Variants in MNAT1 observed in about 807,000 individuals in gnomAD.
MNAT1 encodes the protein CDK-activating kinase assembly factor MAT1.
Under a neutral mutation model 42.0 loss-of-function variants are expected in MNAT1, and 43 were observed. That is an observed-to-expected ratio of 1.02 (90% CI 0.80 to 1.32). MNAT1 has a LOEUF of 1.32. MNAT1 is among the 40% of genes most tolerant of loss of function. The probability of loss-of-function intolerance (pLI) is 0.00; values close to 1 mark genes in which losing one functional copy is unlikely to be tolerated. For missense variants in MNAT1, 306 were observed against 350.4 expected, an observed-to-expected ratio of 0.87 and a Z score of 1.01; for synonymous variants, 118 against 120.0, an observed-to-expected ratio of 0.98 and a Z score of 0.11.
chr14:60,885,979 A>G (rs932071571), intron 7 of MNAT1, among the ~76,000 whole-genome samples: 1 of 151,948 alleles, frequency 6.6e-6, no homozygotes, highest in Non-Finnish European at 1.5e-5. Context: ...ATTCACTTGT[A>G]TGTGTATAGT....
chr14:60,915,386 G>GA (rs1161162193), intron 7 of MNAT1, among the ~76,000 whole-genome samples: 5 of 152,120 alleles, frequency 3.3e-5, no homozygotes, highest in African/African-American at 9.7e-5. Context: ...TGGTGAATAT[G>GA]AAAATCTTAT....
chr14:60,817,293 A>G (rs918100679), intron 5 of MNAT1, among the ~76,000 whole-genome samples: 1 of 151,868 alleles, frequency 6.6e-6, no homozygotes, highest in African/African-American at 2.4e-5. Flanking sequence ...CAATACAGTT[A>G]CTCATGCATT....
intron 6 of MNAT1, among the ~76,000 whole-genome samples, chr14:60,868,572 A>G (rs1190941220): frequency 6.6e-6 from 1 of 152,152 alleles, no homozygotes; most frequent in African/African-American, 2.4e-5. Flanking sequence ...AGTGGAATGC[A>G]CAGTCTCACT....
chr14:60,925,795 T>C (rs2035753251), intron 7 of MNAT1, among the ~76,000 whole-genome samples: 1 of 152,196 alleles, frequency 6.6e-6, no homozygotes, highest in South Asian at 2.1e-4. Context: ...TCTGGCTTCT[T>C]TCATGTTTTT....
In MNAT1 at chr14:60,935,011, TTTA is replaced by T. The variant is rs2035964779; in HGVS notation, c.810-33212_810-33210del. ...CTTAGTACCTTTGTATTTGTGGTTG[TTTA>T]TTATTCATTTTCCATTTAACATTTC... On this transcript the variant is annotated intron_variant, in intron 7 of 7. Coordinates refer to ENST00000261245, the MANE Select transcript of MNAT1 (RefSeq NM_002431.4). Among the ~76,000 whole-genome samples, 6 of 151,298 alleles carry T rather than the reference TTTA, an allele frequency of 4.0e-5. No individual in the cohort carries two copies. The South Asian group carries it at 1.2e-3, about 31-fold the overall frequency.
intron 1 of MNAT1, among the ~76,000 whole-genome samples, chr14:60,757,618 G>C (rs2030415017): frequency 6.6e-6 from 1 of 152,258 alleles, no homozygotes; most frequent in South Asian, 2.1e-4. Flanking sequence ...GAATATAGGA[G>C]ACAAACTATA....
chr14:60,887,254 TATG>T (rs2034698632), intron 7 of MNAT1, among the ~76,000 whole-genome samples: 1 of 152,076 alleles, frequency 6.6e-6, no homozygotes, highest in Non-Finnish European at 1.5e-5. Context: ...ATTTTATTAT[TATG>T]CTTTAAGTTT....
chr14:60,888,570 T>C (rs983024859), intron 7 of MNAT1, among the ~76,000 whole-genome samples: 8 of 151,630 alleles, frequency 5.3e-5, no homozygotes, highest in African/African-American at 1.7e-4. Flanking sequence ...CCACTCCTAT[T>C]CAACATAGTG....
At chr14:60,762,282 A>C (rs920359017) in intron 1 of MNAT1, among the ~76,000 whole-genome samples, 2 of 152,224 alleles carry the variant, frequency 1.3e-5, no homozygotes, top group African/African-American at 2.4e-5. Flanking sequence ...GGCAAGACTC[A>C]GCTTCATGAA....
chr14:60,875,387 G>A (rs985547788), intron 6 of MNAT1, among the ~76,000 whole-genome samples: 1 of 152,048 alleles, frequency 6.6e-6, no homozygotes, highest in Admixed American at 6.6e-5. Flanking sequence ...TCCACAAAAT[G>A]AAGGTGTTAG....
intron 6 of MNAT1, among the ~76,000 whole-genome samples, chr14:60,877,024 G>A (rs915842729): frequency 5.3e-5 from 8 of 152,044 alleles, no homozygotes; most frequent in Non-Finnish European, 1.2e-4. Context: ...GTTTTCCACA[G>A]CAGCTATACC....
chr14:60,832,567 T>G (rs994872055), intron 6 of MNAT1, among the ~76,000 whole-genome samples: 4 of 152,188 alleles, frequency 2.6e-5, no homozygotes, highest in Non-Finnish European at 4.4e-5. Context: ...ACCATGTTGT[T>G]TTAGTTACTG....
rs182674309 is a variant in MNAT1 at position 60,885,954 on chromosome 14, A to T, written c.809+6119A>T. On this transcript the variant is annotated intron_variant, in intron 7 of 7. Transcript: ENST00000261245. ...TTGATGTTTTTTAATATGGTGTATG[A>T]TAAGGGCCAGTTTCATTCACTTGTA... 8.5e-4 allele frequency among the ~76,000 whole-genome samples: 130 copies of T among 152,102 alleles called. 3 individuals carry two copies. The highest frequency in any genetic ancestry group is 2.2e-4 in the Non-Finnish European group (15 of 67,944).
At chr14:60,829,245 A>C (rs2033149777) in intron 6 of MNAT1, among the ~76,000 whole-genome samples, 1 of 152,162 alleles carries the variant, frequency 6.6e-6, no homozygotes, top group Non-Finnish European at 1.5e-5. Flanking sequence ...TGGAGACTAC[A>C]AACGTTTTAG....
chr14:60,923,749 C>T (rs538184797), intron 7 of MNAT1, among the ~76,000 whole-genome samples: 39 of 152,198 alleles, frequency 2.6e-4, no homozygotes, highest in Admixed American at 9.2e-4. Flanking sequence ...GAGGCTGAGG[C>T]AGGCGGATTA....
chr14:60,910,120 CTGTT>C (rs1265342284), intron 7 of MNAT1, among the ~76,000 whole-genome samples: 1 of 152,172 alleles, frequency 6.6e-6, no homozygotes, highest in African/African-American at 2.4e-5. Flanking sequence ...ATTTGGCTCT[CTGTT>C]TGTCTGTGAC....
chr14:60,937,637 G>T (rs1446901263), intron 7 of MNAT1, among the ~76,000 whole-genome samples: 1 of 152,164 alleles, frequency 6.6e-6, no homozygotes, highest in Non-Finnish European at 1.5e-5. Flanking sequence ...CTGTAGCCTT[G>T]TAATATAGTT....
intron 6 of MNAT1, among the ~76,000 whole-genome samples, chr14:60,849,995 C>T (rs1247892465): frequency 6.6e-6 from 1 of 152,048 alleles, no homozygotes; most frequent in Non-Finnish European, 1.5e-5. Flanking sequence ...TGGCACCACA[C>T]CAGGCTAGTT....
chr14:60,894,811 C>T (rs1299395527), intron 7 of MNAT1, among the ~76,000 whole-genome samples: 3 of 152,104 alleles, frequency 2.0e-5, no homozygotes, highest in Non-Finnish European at 4.4e-5. Context: ...ACTGTACATA[C>T]ATTTTATATC....
Sources: allele counts gnomAD v4.1 joint callset (sites outside exome capture counted in the v4.1 genomes callset), GRCh38; gene constraint gnomAD v4.1.1; transcripts MANE v1.5; gene names NCBI Gene and HGNC (gene_info 2026-07-23, HGNC 2026-07-21).